Variants in DNAI3 observed in about 807,000 individuals in gnomAD.
DNAI3 encodes the protein WD repeat domain 63.
DNAI3 carries 83 observed loss-of-function variants against 115.5 expected under a neutral mutation model. The observed-to-expected ratio is 0.72, with a 90% CI of 0.60 to 0.86. The LOEUF (loss-of-function observed/expected upper bound fraction) is 0.86, where lower values mean the gene tolerates loss of function less well. Ranked by LOEUF, DNAI3 falls within the 40% of genes least tolerant of loss-of-function variation. The probability of loss-of-function intolerance (pLI) is 0.00; values close to 1 mark genes in which losing one functional copy is unlikely to be tolerated. For synonymous variants in DNAI3, 320 were observed against 347.0 expected (o/e 0.92, Z 0.86); for missense variants, 1,004 against 1,075.8 (o/e 0.93, Z 0.93).
intron 1 of DNAI3, among the ~76,000 whole-genome samples, chr1:85,069,007 T>A (rs1243057149): frequency 1.3e-5 from 2 of 152,222 alleles, no homozygotes; most frequent in African/African-American, 4.8e-5. Context: ...CAGCAGCTCA[T>A]CCACACCACA....
chr1:85,085,252 T>G (rs1304600134), intron 6 of DNAI3, among the ~76,000 whole-genome samples: 1 of 152,216 alleles, frequency 6.6e-6, no homozygotes, highest in African/African-American at 2.4e-5. Context: ...TGTAAGAGAA[T>G]AAGTTTCTGT....
At chr1:85,064,749 A>G (rs1654041420) in intron 1 of DNAI3, among the ~76,000 whole-genome samples, 1 of 152,024 alleles carries the variant, frequency 6.6e-6, no homozygotes, top group Non-Finnish European at 1.5e-5. Flanking sequence ...AATAAAATAA[A>G]AAGCTGGGTG....
At chr1:85,074,413 C>T (rs541841490) in intron 3 of DNAI3, among the ~76,000 whole-genome samples, 48 of 152,338 alleles carry the variant, frequency 3.2e-4, no homozygotes, top group East Asian at 9.6e-4. Flanking sequence ...TCCTCCTCTT[C>T]GCCAACCTAC....
intron 13 of DNAI3, among the ~76,000 whole-genome samples, chr1:85,100,882 C>A (rs1433809581): frequency 1.3e-5 from 2 of 151,016 alleles, no homozygotes; most frequent in African/African-American, 4.9e-5. Flanking sequence ...GACAAAAAAC[C>A]AAACACCGCA....
At chr1:85,108,008 A>C in intron 14 of DNAI3, 25 bp from the exon 15 acceptor site, 1 of 1,431,598 alleles carries the variant, frequency 7.0e-7, no homozygotes, top group Non-Finnish European at 9.1e-7. Context: ...GTACTTAATA[A>C]AAAATATATA....
chr1:85,089,246 A>G (rs1379942619), intron 7 of DNAI3, among the ~76,000 whole-genome samples: 1 of 151,802 alleles, frequency 6.6e-6, no homozygotes, highest in Non-Finnish European at 1.5e-5. Context: ...CAGGCACAGA[A>G]GGTTAGATAA....
chr1:85,100,532 A>C (rs1197210389), intron 13 of DNAI3, among the ~76,000 whole-genome samples: 3 of 152,218 alleles, frequency 2.0e-5, no homozygotes, highest in Admixed American at 1.3e-4. Context: ...GTGGGACTGT[A>C]AACTAGTTCA....
At position 85,117,724 on chromosome 1, in the gene DNAI3, G is replaced by A; in HGVS notation, c.1787-5G>A. 6.2e-7 allele frequency: 1 copy of A among 1,612,778 alleles called. No individual in the cohort carries two copies. The highest frequency in any genetic ancestry group is 8.5e-7 in the Non-Finnish European group (1 of 1,179,076). On this transcript the variant is annotated splice_region_variant and splice_polypyrimidine_tract_variant and intron_variant, in intron 16 of 22. Transcript: ENST00000294664. ...GTACTTCTTCTACCCACACTCCTCT[G>A]AAAGACAAAATGTTAGCACAGAGCA...
chr1:85,107,956 G>A (rs889922256), intron 14 of DNAI3, 77 bp from the exon 15 acceptor site: 9 of 1,046,214 alleles, frequency 8.6e-6, no homozygotes, highest in Middle Eastern at 2.7e-4. Context: ...ATGCTAATAT[G>A]TAGCAGCATT....
At chr1:85,085,566 C>T (rs1381711706) in intron 6 of DNAI3, among the ~76,000 whole-genome samples, 1 of 152,162 alleles carries the variant, frequency 6.6e-6, no homozygotes, top group Admixed American at 6.5e-5. Context: ...TTTATGTATC[C>T]CTCCTGCCAG....
At chr1:85,096,639 A>G (rs1316754657) in intron 11 of DNAI3, among the ~76,000 whole-genome samples, 2 of 151,986 alleles carry the variant, frequency 1.3e-5, no homozygotes, top group Non-Finnish European at 2.9e-5. Context: ...AAGCAAAACA[A>G]TCATAAAGCT....
chr1:85,073,008 A>C (rs182650249), intron 2 of DNAI3, 46 bp from the exon 3 acceptor site: 1 of 1,158,136 alleles, frequency 8.6e-7, no homozygotes, highest in Non-Finnish European at 1.2e-6. Flanking sequence ...ATTGAGATGT[A>C]TTTGATTCAA....
At chr1:85,076,716 A>T (rs757714113) in intron 3 of DNAI3, among the ~76,000 whole-genome samples, 3 of 152,148 alleles carry the variant, frequency 2.0e-5, no homozygotes, top group Non-Finnish European at 4.4e-5. Flanking sequence ...CCCATGATTC[A>T]ATTACCTCCC....
intron 1 of DNAI3, among the ~76,000 whole-genome samples, chr1:85,067,600 AAAG>A (rs1654137608): frequency 6.6e-6 from 1 of 152,242 alleles, no homozygotes; most frequent in African/African-American, 2.4e-5. Context: ...CATATATGGC[AAAG>A]AAGTAAAGTC....
chr1:85,101,342 G>A (rs1655302880), intron 13 of DNAI3, among the ~76,000 whole-genome samples: 1 of 152,058 alleles, frequency 6.6e-6, no homozygotes, highest in East Asian at 1.9e-4. Context: ...AATAATGGGA[G>A]TTGTAATACA....
rs565346771 is a variant in DNAI3 at position 85,092,444 on chromosome 1, C to T, written c.858-1014C>T. Among the ~76,000 whole-genome samples the T allele has an allele frequency of 3.9e-5, 6 of 152,120 alleles. No individual in the cohort carries two copies. In the South Asian group the frequency reaches 6.2e-4, roughly 16 times the overall value. On this transcript the variant is annotated intron_variant, in intron 8 of 22. Coordinates refer to ENST00000294664, the MANE Select transcript of DNAI3 (RefSeq NM_145172.5). ...AGAACCACTTTTTCAACTTACCACA[C>T]CTATATAAAACCAAGAAGTTTACAG...
chr1:85,106,649 T>C (rs371949480), intron 14 of DNAI3, among the ~76,000 whole-genome samples: 1 of 152,156 alleles, frequency 6.6e-6, no homozygotes, highest in Admixed American at 6.5e-5. Flanking sequence ...GCTATAGTAA[T>C]AGAGACAGAT....
chr1:85,080,046 C>CTTT (rs35938324), intron 3 of DNAI3, among the ~76,000 whole-genome samples: 62 of 68,386 alleles, frequency 9.1e-4, no homozygotes, highest in Middle Eastern at 0.015. Context: ...TTTTCTTTTT[C>CTTT]TTTTTTTTTT....
chr1:85,074,646 A>G (rs1419903874), intron 3 of DNAI3, among the ~76,000 whole-genome samples: 1 of 152,176 alleles, frequency 6.6e-6, no homozygotes, highest in Non-Finnish European at 1.5e-5. Flanking sequence ...AAAATCCTGA[A>G]GTTAAAGTAC....
Sources: gnomAD v4.1 joint callset for allele counts (sites outside exome capture counted in the v4.1 genomes callset) on GRCh38, gnomAD v4.1.1 for gene constraint, MANE v1.5 for transcripts, NCBI Gene and HGNC (gene_info 2026-07-23, HGNC 2026-07-21) for gene names.